Variants in STARD13 observed in about 807,000 individuals in gnomAD.
STARD13 encodes the protein stAR-related lipid transfer protein 13.
In STARD13, 62 loss-of-function variants were observed where a neutral mutation model predicts 106.4. The observed-to-expected ratio is 0.58, with a 90% CI of 0.48 to 0.72. The LOEUF (loss-of-function observed/expected upper bound fraction) is 0.72. Among genes scored for constraint, STARD13 ranks in the 30% least tolerant of loss-of-function variants. The pLI, the probability that STARD13 is intolerant of heterozygous loss-of-function variation, is 0.00. For missense variants in STARD13, 1,387 were observed against 1,424.0 expected, an observed-to-expected ratio of 0.97 and a Z score of 0.42; for synonymous variants, 565 against 553.0, an observed-to-expected ratio of 1.02 and a Z score of -0.31.
chr13:33,320,923 T>C (rs926680544), intron 1 of STARD13, among the ~76,000 whole-genome samples: 5 of 152,218 alleles, frequency 3.3e-5, no homozygotes, highest in Admixed American at 2.6e-4. Flanking sequence ...AAGCTCGTTC[T>C]TTCACTATTA....
At chr13:33,630,590 C>A in the STARD13 span, among the ~76,000 whole-genome samples, 1 of 152,104 alleles carries the variant, frequency 6.6e-6, no homozygotes, top group Non-Finnish European at 1.5e-5. Context: ...TGACCTATAG[C>A]CACTTTGACT....
At chr13:33,331,164 T>C (rs1046714746) in intron 1 of STARD13, among the ~76,000 whole-genome samples, 1 of 152,164 alleles carries the variant, frequency 6.6e-6, no homozygotes, top group Non-Finnish European at 1.5e-5. Context: ...CTCTTTTTCT[T>C]GCACTTCAGG....
rs1243748278 is a variant in STARD13, at chr13:33,204,287, C to A, written c.170-36665G>T. ...CACATGCAGATATGAATCTACACAA[C>A]AACAGTATGTTCCAGTATTTCACAA... On this transcript the variant is annotated intron_variant, in intron 1 of 13. Transcript: ENST00000336934. 3.3e-5 allele frequency among the ~76,000 whole-genome samples: 5 copies of A among 152,336 alleles called. No homozygotes were observed. In the East Asian group the frequency reaches 9.6e-4, roughly 29 times the overall value.
chr13:33,519,242 T>TTCTTTCTTTCTC, the STARD13 span, among the ~76,000 whole-genome samples: 3 of 150,962 alleles, frequency 2.0e-5, no homozygotes, highest in South Asian at 6.3e-4. Context: ...CTTTCTTTCT[T>TTCTTTCTTTCTC]TCTTTCTTTC....
At chr13:33,313,101 G>A (rs181042561) in intron 1 of STARD13, among the ~76,000 whole-genome samples, 3 of 152,250 alleles carry the variant, frequency 2.0e-5, no homozygotes, top group Admixed American at 6.5e-5. Flanking sequence ...GTAGATTGTT[G>A]GGGACACACA....
At chr13:33,518,456 A>G in the STARD13 span, among the ~76,000 whole-genome samples, 3 of 152,052 alleles carry the variant, frequency 2.0e-5, no homozygotes, top group Non-Finnish European at 2.9e-5. Flanking sequence ...GCAGCTCAAA[A>G]AGCTATGCCA....
chr13:33,611,875 T>C, the STARD13 span, among the ~76,000 whole-genome samples: 3 of 152,214 alleles, frequency 2.0e-5, no homozygotes, highest in African/African-American at 7.2e-5. Flanking sequence ...AAGGATGGCT[T>C]CCTCACCAGG....
At chr13:33,311,509 C>G (rs1398665666) in intron 1 of STARD13, among the ~76,000 whole-genome samples, 1 of 152,224 alleles carries the variant, frequency 6.6e-6, no homozygotes. Context: ...TACTTAATCT[C>G]TCTGAGCTTC....
intron 1 of STARD13, among the ~76,000 whole-genome samples, chr13:33,204,880 G>A (rs902277237): frequency 2.0e-5 from 3 of 152,226 alleles, no homozygotes; most frequent in African/African-American, 7.2e-5. Context: ...TACAGCCAGC[G>A]CTTCCACTTC....
At chr13:33,499,643 CT>C in the STARD13 span, among the ~76,000 whole-genome samples, 1 of 130,012 alleles carries the variant, frequency 7.7e-6, no homozygotes, top group Non-Finnish European at 1.6e-5. Context: ...TCTTCTTCTT[CT>C]TCTCCTTCTT....
chr13:33,110,057 C>T lies in STARD13; in HGVS notation c.2863G>A (p.Ala955Thr). 1 of 1,614,220 alleles carries T rather than the reference C, an allele frequency of 6.2e-7. No homozygotes were observed. The highest frequency in any genetic ancestry group is 8.5e-7 in the Non-Finnish European group (1 of 1,180,042). ...GGGGGTGCTTCCACCTCCACAGAAG[C>T]CTTCCACAGCTTCAGCGGGTTCCCG... ...GDGNPLKLWK[A>T]SVEVEAPPSV... The change falls in exon 12 of 14, where the codon GCT becomes ACT. Residue 955 changes from alanine to threonine, a missense_variant. Transcript: ENST00000336934.
chr13:33,269,546 G>C (rs1322975510), intron 1 of STARD13, among the ~76,000 whole-genome samples: 3 of 152,178 alleles, frequency 2.0e-5, no homozygotes, highest in Admixed American at 6.5e-5. Flanking sequence ...GGAATAGCCA[G>C]CCACACAAAA....
the STARD13 span, among the ~76,000 whole-genome samples, chr13:33,442,054 T>TA: frequency 6.6e-6 from 1 of 152,226 alleles, no homozygotes; most frequent in Non-Finnish European, 1.5e-5. Context: ...TTAATGACTA[T>TA]TTGACCTGGA....
intron 1 of STARD13, among the ~76,000 whole-genome samples, chr13:33,296,219 A>T (rs1329547507): frequency 2.7e-5 from 2 of 74,688 alleles, no homozygotes. Flanking sequence ...ACAGAGCAAG[A>T]CTTCATCTCA....
At chr13:33,125,394 C>G (rs1306424863) in intron 7 of STARD13, among the ~76,000 whole-genome samples, 1 of 152,018 alleles carries the variant, frequency 6.6e-6, no homozygotes, top group Non-Finnish European at 1.5e-5. Flanking sequence ...TTTGGAGGAG[C>G]AAAGCCTTTG....
At chr13:33,489,280 A>G in the STARD13 span, among the ~76,000 whole-genome samples, 1 of 152,248 alleles carries the variant, frequency 6.6e-6, no homozygotes, top group African/African-American at 2.4e-5. Context: ...ATCTATATGT[A>G]GTCATATAGC....
At chr13:33,236,254 A>G (rs961708739) in intron 1 of STARD13, among the ~76,000 whole-genome samples, 12 of 152,220 alleles carry the variant, frequency 7.9e-5, no homozygotes, top group Non-Finnish European at 1.6e-4. Context: ...CCAGTAAGGC[A>G]TGATCCAAAA....
At chr13:33,582,534 A>G in the STARD13 span, among the ~76,000 whole-genome samples, 6 of 152,216 alleles carry the variant, frequency 3.9e-5, no homozygotes, top group African/African-American at 1.2e-4. Flanking sequence ...TGCAGTGAGT[A>G]TATCTACGAA....
At chr13:33,436,760 G>C in the STARD13 span, among the ~76,000 whole-genome samples, 1 of 152,206 alleles carries the variant, frequency 6.6e-6, no homozygotes, top group East Asian at 1.9e-4. Context: ...ATAATGACTG[G>C]CCTTTAAACC....
Sources: allele counts gnomAD v4.1 joint callset (sites outside exome capture counted in the v4.1 genomes callset), GRCh38; gene constraint gnomAD v4.1.1; transcripts MANE v1.5; gene names NCBI Gene and HGNC (gene_info 2026-07-23, HGNC 2026-07-21).